The following CSMD2 variants were observed in gnomAD, a reference collection of about 807,000 sequenced individuals.
CSMD2 encodes CUB and sushi domain-containing protein 2.
Under a neutral mutation model 398.5 loss-of-function variants are expected in CSMD2, and 130 were observed. That is an observed-to-expected ratio of 0.33 (90% CI 0.28 to 0.38). The LOEUF is 0.38. Ranked by LOEUF, CSMD2 falls within the 10% of genes least tolerant of loss-of-function variation. The probability of loss-of-function intolerance (pLI) is 1.00; values close to 1 mark genes in which losing one functional copy is unlikely to be tolerated. For synonymous variants in CSMD2, 1,828 were observed against 1,908.5 expected (o/e 0.96, Z 1.10); for missense variants, 3,829 against 4,764.9 (o/e 0.80, Z 5.78).
At chr1:33,945,108 A>G (rs1644800574) in intron 3 of CSMD2, among the ~76,000 whole-genome samples, 1 of 152,032 alleles carries the variant, frequency 6.6e-6, no homozygotes, top group South Asian at 2.1e-4. Flanking sequence ...CTGCTTCCTA[A>G]CCACAGAACC....
rs149376632 is a variant in CSMD2, at chr1:33,693,516, C to T, written c.3926-460G>A. On this transcript the variant is annotated intron_variant, in intron 24 of 70. Transcript: ENST00000373381. ...ATGGAAATGTAAAATGGTGCAGCTG[C>T]TTTCAAAAACAAGTTGGTGGTTCCT... 3.9e-5 allele frequency among the ~76,000 whole-genome samples: 6 copies of T among 152,316 alleles called. No individual in the cohort carries two copies. The East Asian group carries it at 1.2e-3, about 29-fold the overall frequency.
chr1:33,990,653 A>C (rs1646520765), intron 3 of CSMD2, among the ~76,000 whole-genome samples: 2 of 152,192 alleles, frequency 1.3e-5, no homozygotes, highest in South Asian at 4.1e-4. Flanking sequence ...GGGCTCTTCT[A>C]TCAGACCTAT....
intron 1 of CSMD2, among the ~76,000 whole-genome samples, chr1:34,137,526 T>C (rs181125855): frequency 2.6e-5 from 4 of 152,294 alleles, no homozygotes; most frequent in African/African-American, 9.6e-5. Context: ...GTGTCCATTC[T>C]GGGCCCAGCT....
At chr1:33,645,497 T>C (rs618915) in intron 29 of CSMD2, among the ~76,000 whole-genome samples, 16,848 of 152,062 alleles carry the variant, frequency 0.11, 1,207 homozygotes, top group African/African-American at 0.2. Context: ...ATAATACTTG[T>C]CAAGCTCACA....
chr1:34,034,186 T>C (rs1256538773), intron 2 of CSMD2, among the ~76,000 whole-genome samples: 2 of 152,176 alleles, frequency 1.3e-5, no homozygotes, highest in Non-Finnish European at 2.9e-5. Context: ...AGGACTCTCT[T>C]TGCACCTATT....
chr1:33,875,481 G>A (rs1283977617), intron 5 of CSMD2: 5 of 152,322 alleles, frequency 3.3e-5, no homozygotes, highest in Non-Finnish European at 5.9e-5. Flanking sequence ...GTCAGCCCCC[G>A]GCCAATGACC....
chr1:33,747,778 G>C (rs1257274424), intron 13 of CSMD2, among the ~76,000 whole-genome samples: 1 of 152,150 alleles, frequency 6.6e-6, no homozygotes, highest in East Asian at 1.9e-4. Context: ...CTTTACATTA[G>C]AAGAGTGCTG....
At chr1:34,049,079 G>T (rs577014004) in intron 2 of CSMD2, among the ~76,000 whole-genome samples, 1 of 152,256 alleles carries the variant, frequency 6.6e-6, no homozygotes, top group Admixed American at 6.5e-5. Context: ...GGGACTGCAG[G>T]GTAGGCTGAG....
chr1:33,939,041 T>C (rs1320416688), intron 3 of CSMD2, among the ~76,000 whole-genome samples: 1 of 152,022 alleles, frequency 6.6e-6, no homozygotes, highest in East Asian at 1.9e-4. Context: ...TACTTGGCAT[T>C]TCCCATGATC....
At position 33,554,025 on chromosome 1, in the gene CSMD2, T is replaced by C. The variant is rs115948061; in HGVS notation, c.8744-3675A>G. Among the ~76,000 whole-genome samples, 1,160 of 152,116 alleles carry C rather than the reference T, an allele frequency of 7.6e-3. 21 individuals are homozygous for C. The highest frequency in any genetic ancestry group is 0.027 in the African/African-American group (1,102 of 41,478). On this transcript the variant is annotated intron_variant, in intron 55 of 70. Transcript: ENST00000373381. ...GTACAAGCAAGCAGAGGTTGGCTTA[T>C]GACGTTTAAGGAAAGAGGCCATTTC...
chr1:34,092,126 C>T (rs1658640445), intron 1 of CSMD2, among the ~76,000 whole-genome samples: 1 of 152,078 alleles, frequency 6.6e-6, no homozygotes, highest in African/African-American at 2.4e-5. Context: ...ATGGTAACTA[C>T]AAAATGCATA....
At chr1:33,942,383 C>A (rs913876603) in intron 3 of CSMD2, among the ~76,000 whole-genome samples, 7 of 152,204 alleles carry the variant, frequency 4.6e-5, no homozygotes, top group African/African-American at 1.7e-4. Flanking sequence ...GACAACCAGG[C>A]AAGCTGACCT....
At position 33,519,635 on chromosome 1, in the gene CSMD2, C is replaced by G; in HGVS notation, c.10779G>C (p.Glu3593Asp). Residue 3593 changes from glutamate (E) to aspartate (D), a missense_variant, in exon 70 of 71, where the codon GAG (glutamate) becomes GAC (aspartate). Coordinates refer to ENST00000373381, the MANE Select transcript of CSMD2 (RefSeq NM_001281956.2). This position sits in a 1 kb window ranked among gnomAD's most constrained non-coding sequence, Gnocchi z 5.6. ...CAAATGTGGCCCGAACATTGGTGTT[C>G]TCGTGGCCAGCATAGCCATTGAAAG... The part of the protein sequence containing the change: ...KVPFNGYAGH[E>D]NTNVRATFEN... 1.2e-6 allele frequency: 2 copies of G among 1,614,032 alleles called. No homozygotes were observed. The highest frequency in any genetic ancestry group is 1.7e-6 in the Non-Finnish European group (2 of 1,180,016).
intron 5 of CSMD2, among the ~76,000 whole-genome samples, chr1:33,893,236 T>C (rs928815766): frequency 6.6e-6 from 1 of 152,180 alleles, no homozygotes. Context: ...GTGGCTATCA[T>C]TGAGTACTTG....
At chr1:33,928,082 C>T (rs1644188858) in intron 4 of CSMD2, among the ~76,000 whole-genome samples, 1 of 152,200 alleles carries the variant, frequency 6.6e-6, no homozygotes. Context: ...AACCATCAGG[C>T]TGGAGAAGCT....
intron 19 of CSMD2, among the ~76,000 whole-genome samples, chr1:33,722,102 A>T (rs1260507820): frequency 6.6e-6 from 1 of 152,068 alleles, no homozygotes; most frequent in African/African-American, 2.4e-5. Flanking sequence ...ACATTTCCTT[A>T]TTGATGGACA....
intron 6 of CSMD2, among the ~76,000 whole-genome samples, chr1:33,845,640 C>T (rs533065301): frequency 7.9e-5 from 12 of 152,226 alleles, no homozygotes; most frequent in Non-Finnish European, 1.6e-4. Flanking sequence ...GTGGAAAAAA[C>T]ATCTCCAAGA....
chr1:34,143,403 C>A (rs540845468), intron 1 of CSMD2, among the ~76,000 whole-genome samples: 1 of 152,314 alleles, frequency 6.6e-6, no homozygotes, highest in East Asian at 1.9e-4. Flanking sequence ...GGAAGTCATC[C>A]CTGATAGGCG....
intron 1 of CSMD2, among the ~76,000 whole-genome samples, chr1:34,157,966 A>C (rs745623269): frequency 1.3e-5 from 2 of 152,122 alleles, no homozygotes; most frequent in African/African-American, 2.4e-5. Context: ...AAGGGGTCTC[A>C]CCTTCTCCCA....
Sources: gnomAD v4.1 joint callset for allele counts (sites outside exome capture counted in the v4.1 genomes callset) on GRCh38, gnomAD v4.1.1 for gene constraint, Gnocchi (gnomAD v3.1) non-coding constraint, MANE v1.5 for transcripts, NCBI Gene and HGNC (gene_info 2026-07-23, HGNC 2026-07-21) for gene names.